TBX2: variants seen among roughly 807,000 people sequenced by gnomAD.
TBX2 encodes T-box transcription factor 2, also known as T-box transcription factor TBX2.
In TBX2, 19 loss-of-function variants were observed where a neutral mutation model predicts 48.4. The ratio of observed to expected loss-of-function variants is 0.39; its 90% CI spans 0.27 to 0.58. TBX2 has a LOEUF of 0.58. Ranked by LOEUF, TBX2 falls within the 20% of genes least tolerant of loss-of-function variation. The pLI, the probability that TBX2 is intolerant of heterozygous loss-of-function variation, is 0.54. For missense variants in TBX2, 994 were observed against 1,006.5 expected (o/e 0.99, Z 0.17); for synonymous variants, 522 against 459.7 (o/e 1.14, Z -1.73).
At position 61,408,223 on chromosome 17, in the gene TBX2, T is replaced by G; in HGVS notation, c.1856T>G (p.Leu619Arg). The change falls in exon 7 of 7, where the codon CTG becomes CGG. Residue 619 changes from leucine (L) to arginine (R), a missense_variant. Leu to Arg is a moderately radical substitution (Grantham distance 102). Around this residue, in one of 5 missense-constraint regions of TBX2, gnomAD observed 639 missense variants for 613.2 expected, o/e 1.04. Coordinates refer to ENST00000240328, the MANE Select transcript of TBX2 (RefSeq NM_005994.4). The part of the protein sequence containing the change: ...SPFLGSARPR[L>R]RFSPYQIPVT... ...TTCCTGGGCAGTGCCCGGCCCCGAC[T>G]GCGTTTCAGCCCCTATCAGATCCCG... 6.2e-7 allele frequency: 1 copy of G among 1,612,880 alleles called. No individual in the cohort carries two copies. The highest frequency in any genetic ancestry group is 1.1e-5 in the South Asian group (1 of 91,080).
chr17:61,408,424 A>G lies in TBX2; in HGVS notation c.2057A>G (p.Asn686Ser), dbSNP rs1244821600. 3 of 1,536,676 alleles carry G rather than the reference A, an allele frequency of 2.0e-6. No homozygotes were observed. The highest frequency in any genetic ancestry group is 1.7e-4 in the Middle Eastern group (1 of 5,814). ...SPSGSAKEAA[N>S]ELQSIQRLVS... The stretch of plus-strand genomic sequence containing the variant: ...AGTGGCTCGGCCAAGGAGGCGGCCA[A>G]TGAACTGCAGAGCATCCAGAGACTG... Residue 686 changes from asparagine to serine, a missense_variant, in exon 7 of 7, where the codon AAT becomes AGT. Asn to Ser is a conservative substitution (Grantham distance 46). Coordinates refer to ENST00000240328, the MANE Select transcript of TBX2 (RefSeq NM_005994.4).
At chr17:61,402,474 G>A (rs1046735929) in intron 2 of TBX2, among the ~76,000 whole-genome samples, 1 of 119,200 alleles carries the variant, frequency 8.4e-6, no homozygotes, top group African/African-American at 3.2e-5. Flanking sequence ...TGCCCAACTA[G>A]GAGGAGAGGG....
chr17:61,403,351 CCA>C lies in TBX2; in HGVS notation c.810+145_810+146del. ...CGCCCCCGAGCACCGAGCCTCGCAT[CCA>C]TACGCGCAGCACTCACGGAAGTCCT... On this transcript the variant is annotated intron_variant, in intron 3 of 6. Transcript: ENST00000240328. This position sits in a 1 kb window ranked among gnomAD's most constrained non-coding sequence, Gnocchi z 5.8. The C allele has an allele frequency of 1.5e-6, 2 of 1,331,894 alleles. No homozygotes were observed. The highest frequency in any genetic ancestry group is 2.0e-6 in the Non-Finnish European group (2 of 993,170). The allele number at this position is 1,331,894 out of a possible 1,614,324, so 82.5% of individuals were successfully genotyped here.
chr17:61,400,415 T>G lies in TBX2; in HGVS notation c.239T>G (p.Leu80Arg), dbSNP rs2060259520. 1.3e-6 allele frequency: 2 copies of G among 1,536,914 alleles called. No homozygotes were observed. Among genetic ancestry groups the G allele is most frequent in the Admixed American group, 3.9e-5 (2 of 51,496 alleles). ...AAEAGLHVSA[L>R]GPHPPAAHLR... ...GAGGCGGGGCTGCACGTCTCGGCACTGGGCCCGCACCCGCCCGCCGCGCAT... is the reference window on the plus strand; with the variant it reads ...GAGGCGGGGCTGCACGTCTCGGCACGGGGCCCGCACCCGCCCGCCGCGCAT... Residue 80 changes from leucine to arginine, a missense_variant, in exon 1 of 7, where the codon CTG (leucine) becomes CGG (arginine). Coordinates refer to ENST00000240328, the MANE Select transcript of TBX2 (RefSeq NM_005994.4). The surrounding 1 kb of genome is among the most constrained non-coding windows in gnomAD (Gnocchi z 9.2).
In TBX2 at chr17:61,406,283, G is replaced by A. The variant is rs1208925407; in HGVS notation, c.1686+447G>A. 6.3e-6 allele frequency: 1 copy of A among 159,722 alleles called. No homozygotes were observed. The highest frequency in any genetic ancestry group is 1.4e-5 in the Non-Finnish European group (1 of 73,426). The allele number at this position is 159,722 out of a possible 1,614,324, so 9.9% of individuals were successfully genotyped here. Reference sequence around the variant, plus strand: ...GGCTAAGGTGGCCAGACAGACAAAGGGAGAAGGAACATTTGCATTATTTTC... The same window carrying A: ...GGCTAAGGTGGCCAGACAGACAAAGAGAGAAGGAACATTTGCATTATTTTC... On this transcript the variant is annotated intron_variant, in intron 6 of 6. Transcript: ENST00000240328. The surrounding 1 kb of genome is among the most constrained non-coding windows in gnomAD (Gnocchi z 5.7).
rs373585284 is a variant in TBX2, at chr17:61,403,326, C to T, written c.810+119C>T. 7 of 1,462,274 alleles carry T rather than the reference C, an allele frequency of 4.8e-6. No homozygotes were observed. The Middle Eastern group carries it at 7.2e-4, about 150-fold the overall frequency. The allele number at this position is 1,462,274 out of a possible 1,614,324, so 90.6% of individuals were successfully genotyped here. ...GCACGGGATCCGCGCTCTTGCGGCCCGCCCCCGAGCACCGAGCCTCGCATC... is the reference window on the plus strand; with the variant it reads ...GCACGGGATCCGCGCTCTTGCGGCCTGCCCCCGAGCACCGAGCCTCGCATC... On this transcript the variant is annotated intron_variant, in intron 3 of 6. Coordinates refer to ENST00000240328, the MANE Select transcript of TBX2 (RefSeq NM_005994.4). The surrounding 1 kb of genome is among the most constrained non-coding windows in gnomAD (Gnocchi z 5.8).
Position 61,408,369 on chromosome 17 carries a change from G to T in TBX2, c.2002G>T (p.Gly668Trp). 6.3e-7 allele frequency: 1 copy of T among 1,579,184 alleles called. No homozygotes were observed. Among genetic ancestry groups the T allele is most frequent in the East Asian group, 2.4e-5 (1 of 42,190 alleles). ...PLPELALRKV[G>W]APSRGALSPS... ...GCCCGAGCTGGCTCTCCGCAAAGTA[G>T]GGGCCCCATCCCGCGGTGCCCTGTC... Residue 668 changes from glycine to tryptophan, a missense_variant, in exon 7 of 7, where the codon GGG becomes TGG. Transcript: ENST00000240328.
At chr17:61,401,432 CAGATCT>C in intron 1 of TBX2, among the ~76,000 whole-genome samples, 1 of 152,150 alleles carries the variant, frequency 6.6e-6, no homozygotes, top group East Asian at 1.9e-4. Flanking sequence ...AGAGGGTCCC[CAGATCT>C]GAGCACAAGG....
At position 61,405,467 on chromosome 17, in the gene TBX2, G is replaced by T. The variant is rs757084426; in HGVS notation, c.1317G>T (p.Ala439=). ...GGAAGGACGAGGGGCGCAAGGAGGC[G>T]GCCGAGGGCAAGGAGCAGGGCCTGG... ...ARRKDEGRKE[A]AEGKEQGLAP... The change falls in exon 6 of 7, where the codon GCG becomes GCT. Residue 439 remains alanine, a synonymous_variant. Transcript: ENST00000240328. 2.5e-6 allele frequency: 4 copies of T among 1,577,388 alleles called. No homozygotes were observed. In the South Asian group the frequency reaches 3.5e-5, roughly 14 times the overall value.
At chr17:61,402,678 C>A (rs2143728278) in intron 2 of TBX2, among the ~76,000 whole-genome samples, 1 of 151,960 alleles carries the variant, frequency 6.6e-6, no homozygotes, top group South Asian at 2.1e-4. Context: ...AATTGTAGGG[C>A]TCTGTTTTGT....
Position 61,400,257 on chromosome 17 carries a change from C to T in TBX2, c.81C>T (p.Ser27=). The T allele has an allele frequency of 1.7e-6, 2 of 1,204,070 alleles. No individual in the cohort carries two copies. Among genetic ancestry groups the T allele is most frequent in the East Asian group, 6.5e-5 (1 of 15,348 alleles). 74.6% of individuals were successfully genotyped at this position (1,204,070 alleles called of 1,614,324 possible). A position where few individuals can be genotyped will look rare whatever the true frequency, so the allele number is the denominator to read the frequency against. ...CACGGCCCGCCGACTTCCCCATGTC[C>T]GCCTTTCTGGCGGCGGCGCAGCCCT... ...HAPRPADFPM[S]AFLAAAQPSF... is the part of the protein sequence containing the mutation. Residue 27 remains serine (S), a synonymous_variant, in exon 1 of 7, where the codon TCC becomes TCT. Coordinates refer to ENST00000240328, the MANE Select transcript of TBX2 (RefSeq NM_005994.4). The surrounding 1 kb of genome is among the most constrained non-coding windows in gnomAD (Gnocchi z 9.2).
At position 61,408,670 on chromosome 17, in the gene TBX2, T is replaced by G; in HGVS notation, c.*164T>G. On this transcript the variant is annotated 3_prime_UTR_variant, in exon 7 of 7. Coordinates refer to ENST00000240328, the MANE Select transcript of TBX2 (RefSeq NM_005994.4). Reference sequence around the variant, plus strand: ...TCTGGCAAGTCGGGGCCTGGGACACTTCCCTGGGCCTCAACAAGGATCAGG... The same window carrying G: ...TCTGGCAAGTCGGGGCCTGGGACACGTCCCTGGGCCTCAACAAGGATCAGG... The G allele has an allele frequency of 1.7e-6, 1 of 589,910 alleles. No homozygotes were observed. Among genetic ancestry groups the G allele is most frequent in the Admixed American group, 4.1e-5 (1 of 24,222 alleles). 36.5% of individuals were successfully genotyped at this position (589,910 alleles called of 1,614,324 possible). A position where few individuals can be genotyped will look rare whatever the true frequency, so the allele number is the denominator to read the frequency against.
In TBX2 at chr17:61,408,297, G is replaced by A; in HGVS notation, c.1930G>A (p.Glu644Lys). The A allele has an allele frequency of 9.9e-6, 16 of 1,612,480 alleles. No homozygotes were observed. The highest frequency in any genetic ancestry group is 1.4e-5 in the Non-Finnish European group (16 of 1,179,832). The change falls in exon 7 of 7, where the codon GAG becomes AAG. Residue 644 changes from glutamate to lysine, a missense_variant. Physicochemically the swap from Glu to Lys is moderately conservative, Grantham distance 56. Transcript: ENST00000240328. ...TSLLTTGLAS[E>K]GSKAAGGNSR... ...CCTCCTCACCACCGGGCTGGCCTCT[G>A]AGGGCTCCAAGGCCGCTGGTGGAAA...
chr17:61,404,640 G>A lies in TBX2; in HGVS notation c.922G>A (p.Glu308Lys). 6.3e-7 allele frequency: 1 copy of A among 1,582,302 alleles called. No homozygotes were observed. Among genetic ancestry groups the A allele is most frequent in the Non-Finnish European group, 8.6e-7 (1 of 1,163,426 alleles). The change falls in exon 5 of 7, where the codon GAG becomes AAG. Residue 308 changes from glutamate (E) to lysine (K), a missense_variant. Transcript: ENST00000240328. The stretch of plus-strand genomic sequence containing the variant: ...GACGCTGCCGTCTCTACGCTTGTAC[G>A]AGGAGCACTGCAAACCCGAGCGCGA... The part of the protein sequence containing the change: ...QLTLPSLRLY[E>K]EHCKPERDGA...
At chr17:61,401,626 G>T in intron 1 of TBX2, 58 bp from the exon 2 acceptor site, 1 of 1,559,832 alleles carries the variant, frequency 6.4e-7, no homozygotes, top group Non-Finnish European at 8.7e-7. Context: ...GAGGAGTGGG[G>T]TCCTGGAACC....
Position 61,403,299 on chromosome 17 carries a change from CT to C in TBX2, c.810+93del. Reference sequence around the variant, plus strand: ...TCCGTTCATCGCCCCTCGAAGCCCCCTGCACGGGATCCGCGCTCTTGCGGCC... The same window carrying C: ...TCCGTTCATCGCCCCTCGAAGCCCCCGCACGGGATCCGCGCTCTTGCGGCC... On this transcript the variant is annotated intron_variant, in intron 3 of 6. Coordinates refer to ENST00000240328, the MANE Select transcript of TBX2 (RefSeq NM_005994.4). The surrounding 1 kb of genome is among the most constrained non-coding windows in gnomAD (Gnocchi z 5.8). 2 of 1,543,686 alleles carry C rather than the reference CT, an allele frequency of 1.3e-6. No homozygotes were observed. The highest frequency in any genetic ancestry group is 1.7e-6 in the Non-Finnish European group (2 of 1,153,222).
In TBX2 at chr17:61,401,856, C is replaced by A; in HGVS notation, c.568C>A (p.Pro190Thr). The A allele has an allele frequency of 6.2e-7, 1 of 1,613,036 alleles. No homozygotes were observed. The highest frequency in any genetic ancestry group is 1.7e-5 in the Admixed American group (1 of 60,028). Residue 190 changes from proline (P) to threonine (T), a missense_variant, in exon 2 of 7, where the codon CCA (proline) becomes ACA (threonine). This residue lies in a region of TBX2 where 153 missense variants were observed against 166.2 expected (regional missense o/e 0.92). Transcript: ENST00000240328. ...PEMPKRMYIH[P>T]DSPATGEQWM... ...GATGCCCAAACGCATGTACATCCAC[C>A]CAGACAGCCCAGCCACGGGGGAGCA...
chr17:61,403,293 A>G lies in TBX2; in HGVS notation c.810+86A>G, dbSNP rs1178240221. The G allele has an allele frequency of 1.0e-5, 16 of 1,562,846 alleles. No homozygotes were observed. The highest frequency in any genetic ancestry group is 8.6e-7 in the Non-Finnish European group (1 of 1,162,956). On this transcript the variant is annotated intron_variant, in intron 3 of 6. Coordinates refer to ENST00000240328, the MANE Select transcript of TBX2 (RefSeq NM_005994.4). The surrounding 1 kb of genome is among the most constrained non-coding windows in gnomAD (Gnocchi z 5.8). ...CAACCGTCCGTTCATCGCCCCTCGA[A>G]GCCCCCTGCACGGGATCCGCGCTCT...
At position 61,405,215 on chromosome 17, in the gene TBX2, G is replaced by T; in HGVS notation, c.1065G>T (p.Ser355=). ...CTCTCCCCGCAGCTGAGGAGAAGTC[G>T]TGCGCCGCGGACAGCGACCCGGAGC... is the stretch of plus-strand genomic sequence containing the variant. ...RLHRARAEEK[S]CAADSDPEPE... Residue 355 remains serine, a synonymous_variant, in exon 6 of 7, where the codon TCG becomes TCT. Coordinates refer to ENST00000240328, the MANE Select transcript of TBX2 (RefSeq NM_005994.4). The T allele has an allele frequency of 6.5e-7, 1 of 1,545,006 alleles. No homozygotes were observed. Among genetic ancestry groups the T allele is most frequent in the South Asian group, 1.2e-5 (1 of 82,072 alleles).
Sources: gnomAD v4.1 joint callset for allele counts (sites outside exome capture counted in the v4.1 genomes callset) on GRCh38, gnomAD v4.1.1 for gene constraint, gnomAD v4.1.1 regional missense constraint, Gnocchi (gnomAD v3.1) non-coding constraint, MANE v1.5 for transcripts, NCBI Gene and HGNC (gene_info 2026-07-23, HGNC 2026-07-21) for gene names.